The following FMN2 variants were observed in gnomAD, a reference collection of about 807,000 sequenced individuals.
The protein encoded by FMN2 is formin-2.
FMN2 carries 51 observed loss-of-function variants against 142.3 expected under a neutral mutation model. The ratio of observed to expected loss-of-function variants is 0.36; its 90% CI spans 0.29 to 0.45. The LOEUF is 0.45. Among genes scored for constraint, FMN2 ranks in the 20% least tolerant of loss-of-function variants. The pLI is 1.00. For missense variants in FMN2, 1,936 were observed against 2,122.8 expected (o/e 0.91, Z 1.73); for synonymous variants, 882 against 869.8 (o/e 1.01, Z -0.25).
intron 6 of FMN2, among the ~76,000 whole-genome samples, chr1:240,217,436 C>T (rs564636722): frequency 6.6e-6 from 1 of 152,184 alleles, no homozygotes; most frequent in Non-Finnish European, 1.5e-5. Context: ...AAAATAATGT[C>T]TGAAACACTA....
chr1:240,227,045 A>C lies in FMN2; in HGVS notation c.4065+15810A>C, dbSNP rs1667334774. On this transcript the variant is annotated intron_variant, in intron 6 of 17. Coordinates refer to ENST00000319653, the MANE Select transcript of FMN2 (RefSeq NM_020066.5). ...ATAAATGGTCTCCTGATTGGAATGG[A>C]AGCAGCAAAACATTTTGCAGATGAC... is the stretch of plus-strand genomic sequence containing the variant. Among the ~76,000 whole-genome samples, 5 of 152,174 alleles carry C rather than the reference A, an allele frequency of 3.3e-5. No individual in the cohort carries two copies. In the South Asian group the frequency reaches 1.0e-3, roughly 31 times the overall value.
chr1:240,135,807 G>A (rs75499657), intron 2 of FMN2, among the ~76,000 whole-genome samples: 16,146 of 151,468 alleles, frequency 0.11, 1,462 homozygotes, highest in African/African-American at 0.24. Flanking sequence ...AGCCTTCCGA[G>A]TAGCTGGGAC....
rs368876164 is a variant in FMN2 at position 240,208,452 on chromosome 1, G to A, written c.3640G>A (p.Gly1214Ser). 5.6e-6 allele frequency: 9 copies of A among 1,605,748 alleles called. No individual in the cohort carries two copies. Among genetic ancestry groups the A allele is most frequent in the Admixed American group, 1.7e-5 (1 of 59,076 alleles). ...GATTCCCCCACCTCCTCCCTTGCCAGGTATGGGGATTCCACCTGCTCCAGC... is the reference window on the plus strand; with the variant it reads ...GATTCCCCCACCTCCTCCCTTGCCAAGTATGGGGATTCCACCTGCTCCAGC... Reference protein sequence around the residue: ...AGIPPPPPLPGMGIPPAPAPP... With the variant: ...AGIPPPPPLPSMGIPPAPAPP... Residue 1214 changes from glycine (G) to serine (S), a missense_variant, in exon 5 of 18, where the codon GGT becomes AGT. Around this residue, in one of 8 missense-constraint regions of FMN2, gnomAD observed 259 missense variants for 230.9 expected, o/e 1.12. Transcript: ENST00000319653.
chr1:240,322,458 A>G (rs1671005476), intron 8 of FMN2, among the ~76,000 whole-genome samples: 1 of 152,318 alleles, frequency 6.6e-6, no homozygotes, highest in South Asian at 2.1e-4. Context: ...AGGCGTGCCA[A>G]CACTCAGGCT....
At chr1:240,113,557 CAA>C (rs34741987) in intron 1 of FMN2, among the ~76,000 whole-genome samples, 6 of 88,468 alleles carry the variant, frequency 6.8e-5, no homozygotes, top group Admixed American at 1.5e-4. Flanking sequence ...GACTCCGTCT[CAA>C]AAAAAAAAAA....
chr1:240,188,322 A>G lies in FMN2; in HGVS notation c.1986+60A>G, dbSNP rs1008338438. 14 of 1,562,826 alleles carry G rather than the reference A, an allele frequency of 9.0e-6. No individual in the cohort carries two copies. The East Asian group carries it at 2.7e-4, about 30-fold the overall frequency. ...CTGTCTTATTTGTCTTAAGATTGTGACAGACTCTGCGATTTATCTTTCCAT... is the reference window on the plus strand; with the variant it reads ...CTGTCTTATTTGTCTTAAGATTGTGGCAGACTCTGCGATTTATCTTTCCAT... On this transcript the variant is annotated intron_variant, in intron 4 of 17. Coordinates refer to ENST00000319653, the MANE Select transcript of FMN2 (RefSeq NM_020066.5).
At chr1:240,329,563 A>T in intron 10 of FMN2, 95 bp downstream of exon 10, 1 of 1,461,560 alleles carries the variant, frequency 6.8e-7, no homozygotes, top group Non-Finnish European at 9.2e-7. Context: ...ATTTACTCTA[A>T]GTACTCACCA....
rs192466446 is a variant in FMN2 at position 240,304,662 on chromosome 1, G to C, written c.4215+9779G>C. ...GTGGGGGGACAGAGGCTCAACAATG[G>C]CCTCCTGCTTCTTTGTTTGCACCTG... On this transcript the variant is annotated intron_variant, in intron 8 of 17. Transcript: ENST00000319653. Among the ~76,000 whole-genome samples, 144 of 152,314 alleles carry C rather than the reference G, an allele frequency of 9.5e-4. 1 individual carries two copies. The highest frequency in any genetic ancestry group is 3.2e-3 in the African/African-American group (132 of 41,570).
intron 11 of FMN2, 115 bp downstream of exon 11, chr1:240,330,864 T>G: frequency 8.0e-7 from 1 of 1,250,906 alleles, no homozygotes; most frequent in Non-Finnish European, 1.1e-6. Flanking sequence ...GTCAAATGCT[T>G]CTTTATGTTC....
intron 8 of FMN2, among the ~76,000 whole-genome samples, chr1:240,314,164 C>G (rs1277670911): frequency 2.0e-5 from 3 of 152,216 alleles, no homozygotes; most frequent in African/African-American, 7.2e-5. Flanking sequence ...TATAAGAATT[C>G]CACTGCTAGC....
chr1:240,273,676 C>G (rs1459760715), intron 7 of FMN2, among the ~76,000 whole-genome samples: 2 of 126,842 alleles, frequency 1.6e-5, no homozygotes, highest in Admixed American at 1.9e-4. Context: ...GGCAGAGACA[C>G]ACACACAGGG....
At chr1:240,150,427 A>G (rs1663714551) in intron 2 of FMN2, among the ~76,000 whole-genome samples, 1 of 152,218 alleles carries the variant, frequency 6.6e-6, no homozygotes, top group African/African-American at 2.4e-5. Flanking sequence ...GTCTGTAAAC[A>G]CAAGGAAAGT....
chr1:240,456,730 G>A (rs374211180), intron 16 of FMN2, among the ~76,000 whole-genome samples: 3 of 152,102 alleles, frequency 2.0e-5, no homozygotes, highest in Admixed American at 6.5e-5. Context: ...TGCTGGAATC[G>A]TAGGCGTGAG....
chr1:240,210,857 A>G (rs936650185), intron 5 of FMN2, among the ~76,000 whole-genome samples: 13 of 152,124 alleles, frequency 8.5e-5, no homozygotes, highest in African/African-American at 3.1e-4. Flanking sequence ...GCTTCCTGGA[A>G]ATTATTTCTG....
intron 15 of FMN2, among the ~76,000 whole-genome samples, chr1:240,404,996 C>T (rs190066193): frequency 6.6e-6 from 1 of 152,204 alleles, no homozygotes; most frequent in Non-Finnish European, 1.5e-5. Context: ...GGAAGCTTTC[C>T]TTTGTATAAA....
rs185598177 is a variant in FMN2, at chr1:240,228,576, C to A, written c.4065+17341C>A. Among the ~76,000 whole-genome samples the A allele has an allele frequency of 4.2e-3, 633 of 152,032 alleles. 8 individuals are homozygous for A. The highest frequency in any genetic ancestry group is 0.015 in the African/African-American group (602 of 41,478). On this transcript the variant is annotated intron_variant, in intron 6 of 17. Coordinates refer to ENST00000319653, the MANE Select transcript of FMN2 (RefSeq NM_020066.5). The stretch of plus-strand genomic sequence containing the variant: ...GCGGAGAAACTGGAACCCTCATACA[C>A]CGCTGGTGGAAATGAAAAAAGGTGC...
intron 15 of FMN2, among the ~76,000 whole-genome samples, chr1:240,410,308 G>A (rs1427550694): frequency 6.6e-6 from 1 of 152,142 alleles, no homozygotes; most frequent in Non-Finnish European, 1.5e-5. Flanking sequence ...AACACTATTG[G>A]TAAGCTTTTC....
At chr1:240,195,633 G>A (rs184524394) in intron 4 of FMN2, among the ~76,000 whole-genome samples, 1 of 152,286 alleles carries the variant, frequency 6.6e-6, no homozygotes, top group Non-Finnish European at 1.5e-5. Flanking sequence ...TTTTCTAGAA[G>A]CAATATTCAG....
At chr1:240,093,750 C>T in intron 1 of FMN2, 26 bp downstream of exon 1, 7 of 1,291,544 alleles carry the variant, frequency 5.4e-6, no homozygotes, top group Non-Finnish European at 6.8e-6. Flanking sequence ...TGCTGGCCTC[C>T]GGGTCTCAAG....
Sources: allele counts gnomAD v4.1 joint callset (sites outside exome capture counted in the v4.1 genomes callset), GRCh38; gene constraint gnomAD v4.1.1; regional missense constraint gnomAD v4.1.1; transcripts MANE v1.5; gene names NCBI Gene and HGNC (gene_info 2026-07-23, HGNC 2026-07-21).